Variants in TBC1D16 observed in about 807,000 individuals in gnomAD.
The protein encoded by TBC1D16 is CTD-2529O21.1.
TBC1D16 carries 58 observed loss-of-function variants against 74.7 expected under a neutral mutation model. The observed-to-expected ratio is 0.78, with a 90% CI of 0.63 to 0.97. The LOEUF is 0.97. Ranked by LOEUF, TBC1D16 falls within the 50% of genes least tolerant of loss-of-function variation. The pLI is 0.00. For missense variants in TBC1D16, 1,014 were observed against 1,079.5 expected, an observed-to-expected ratio of 0.94 and a Z score of 0.85; for synonymous variants, 493 against 474.7, an observed-to-expected ratio of 1.04 and a Z score of -0.50.
rs1028664770 is a variant in TBC1D16 at position 79,973,298 on chromosome 17, C to T, written c.780-20480G>A. On this transcript the variant is annotated intron_variant, in intron 3 of 11. Coordinates refer to ENST00000310924, the MANE Select transcript of TBC1D16 (RefSeq NM_019020.4). ...TAATAATAAAATAGAAGTGGCTGGG[C>T]GCGGTGGCTCATGCCTGTAATCCCA... Among the ~76,000 whole-genome samples the T allele has an allele frequency of 3.0e-4, 45 of 151,994 alleles. 1 individual carries two copies. Among genetic ancestry groups the T allele is most frequent in the African/African-American group, 1.0e-3 (42 of 41,436 alleles).
intron 8 of TBC1D16, 71 bp downstream of exon 8, chr17:79,948,801 C>T: frequency 6.3e-7 from 1 of 1,598,278 alleles, no homozygotes; most frequent in South Asian, 1.1e-5. Flanking sequence ...GGGGCTCATC[C>T]ACTTCCCAGA....
chr17:80,009,214 G>A lies in TBC1D16; in HGVS notation c.779+946C>T, dbSNP rs1005927443. ...GAGCTCAACAGTTAATGACCTGCTC[G>A]CTGACTGATGTCGGCTCTTACTGTT... is the stretch of plus-strand genomic sequence containing the variant. On this transcript the variant is annotated intron_variant, in intron 3 of 11. Transcript: ENST00000310924. This position sits in a 1 kb window ranked among gnomAD's most constrained non-coding sequence, Gnocchi z 5.4. Among the ~76,000 whole-genome samples the A allele has an allele frequency of 6.6e-6, 1 of 152,226 alleles. No homozygotes were observed. Among genetic ancestry groups the A allele is most frequent in the East Asian group, 1.9e-4 (1 of 5,196 alleles).
intron 3 of TBC1D16, among the ~76,000 whole-genome samples, chr17:79,953,749 ATTTTTTCTTTTTTTC>A (rs1463652265): frequency 2.6e-5 from 4 of 151,434 alleles, no homozygotes; most frequent in African/African-American, 9.7e-5. Flanking sequence ...GTCTCTTGAG[ATTTTTTCTTTTTTTC>A]TTTTTTCTTT....
At chr17:79,974,714 TC>T (rs1263264501) in intron 3 of TBC1D16, among the ~76,000 whole-genome samples, 4 of 152,210 alleles carry the variant, frequency 2.6e-5, no homozygotes, top group Admixed American at 1.3e-4. Context: ...TCCCTGGCTC[TC>T]CCAGGCTCTT....
rs1438587066 is a variant in TBC1D16, at chr17:79,969,991, C to T, written c.780-17173G>A. 3.3e-5 allele frequency among the ~76,000 whole-genome samples: 5 copies of T among 152,120 alleles called. No homozygotes were observed. In the East Asian group the frequency reaches 9.6e-4, roughly 29 times the overall value. On this transcript the variant is annotated intron_variant, in intron 3 of 11. Coordinates refer to ENST00000310924, the MANE Select transcript of TBC1D16 (RefSeq NM_019020.4). ...AGATGTCTATATAAAAACATGTACA[C>T]ACATGTTCATAGTAGCATTATTCAT...
rs769065064 is a variant in TBC1D16, at chr17:79,945,094, G to C, written c.1729-7C>G. The C allele has an allele frequency of 1.3e-6, 2 of 1,574,052 alleles. No individual in the cohort carries two copies. Among genetic ancestry groups the C allele is most frequent in the East Asian group, 4.6e-5 (2 of 43,380 alleles). ...GCAGCTCGCGCAGGTACAGCTGGGG[G>C]TGAGGCCGTCACGCGTTAGTTAGCT... On this transcript the variant is annotated splice_region_variant and splice_polypyrimidine_tract_variant and intron_variant, in intron 9 of 11. Coordinates refer to ENST00000310924, the MANE Select transcript of TBC1D16 (RefSeq NM_019020.4).
At chr17:79,958,382 G>A (rs955478270) in intron 3 of TBC1D16, among the ~76,000 whole-genome samples, 3 of 152,046 alleles carry the variant, frequency 2.0e-5, no homozygotes, top group Non-Finnish European at 4.4e-5. Flanking sequence ...ACCATGCCTG[G>A]CTAATTTTTG....
At chr17:79,989,982 A>G (rs948003924) in intron 3 of TBC1D16, among the ~76,000 whole-genome samples, 10 of 152,180 alleles carry the variant, frequency 6.6e-5, no homozygotes, top group Admixed American at 1.3e-4. Context: ...ATCCATGCCC[A>G]GAAACCTGCG....
chr17:80,027,643 A>G (rs1319423689), intron 1 of TBC1D16, among the ~76,000 whole-genome samples: 1 of 151,794 alleles, frequency 6.6e-6, no homozygotes, highest in Non-Finnish European at 1.5e-5. Context: ...CTGTAATCCC[A>G]GCACTTTGGG....
chr17:79,979,079 A>G lies in TBC1D16; in HGVS notation c.780-26261T>C, dbSNP rs2034462812. Among the ~76,000 whole-genome samples, 1 of 152,202 alleles carries G rather than the reference A, an allele frequency of 6.6e-6. No homozygotes were observed. Among genetic ancestry groups the G allele is most frequent in the African/African-American group, 2.4e-5 (1 of 41,450 alleles). ...AGCTTAACGTGGGCAAACCAATGAG[A>G]TGATTCTAAACCAAAGCGCCCTCGT... On this transcript the variant is annotated intron_variant, in intron 3 of 11. Transcript: ENST00000310924. This position sits in a 1 kb window ranked among gnomAD's most constrained non-coding sequence, Gnocchi z 4.8.
Position 79,935,627 on chromosome 17 carries a change from A to T in TBC1D16, c.*5232T>A, listed in dbSNP as rs1263943032. On this transcript the variant is annotated 3_prime_UTR_variant, in exon 12 of 12. Coordinates refer to ENST00000310924, the MANE Select transcript of TBC1D16 (RefSeq NM_019020.4). Reference sequence around the variant, plus strand: ...CTTCCAGAGGCACTGTACAGCGTGCATCTGTTGTCAGTACAGTTTTATTTG... The same window carrying T: ...CTTCCAGAGGCACTGTACAGCGTGCTTCTGTTGTCAGTACAGTTTTATTTG... The T allele has an allele frequency of 1.3e-5, 2 of 152,300 alleles. No individual in the cohort carries two copies. Among genetic ancestry groups the T allele is most frequent in the African/African-American group, 4.8e-5 (2 of 41,466 alleles). The allele number at this position is 152,300 out of a possible 1,614,324, so 9.4% of individuals were successfully genotyped here.
chr17:79,943,307 A>G (rs2032194080), intron 10 of TBC1D16, among the ~76,000 whole-genome samples: 1 of 152,186 alleles, frequency 6.6e-6, no homozygotes, highest in South Asian at 2.1e-4. Flanking sequence ...GGTTGCAGGA[A>G]GGTGGACGCC....
intron 1 of TBC1D16, among the ~76,000 whole-genome samples, chr17:80,022,237 GT>G (rs1432719105): frequency 6.7e-6 from 1 of 150,000 alleles, no homozygotes; most frequent in East Asian, 1.9e-4. Flanking sequence ...TGTTTATGTT[GT>G]TTTTATTGCT....
chr17:80,034,359 C>T (rs542574169), intron 1 of TBC1D16, among the ~76,000 whole-genome samples: 1 of 150,780 alleles, frequency 6.6e-6, no homozygotes, highest in South Asian at 2.1e-4. Context: ...GCCACCACAC[C>T]GGGCTAATTT....
rs2035174061 is a variant in TBC1D16, at chr17:79,993,998, C to T, written c.779+16162G>A. The stretch of plus-strand genomic sequence containing the variant: ...TTCATTTCCCTGACCTTGGACAGCC[C>T]TCCTGATGCAGGGAGCGCCCATCCC... On this transcript the variant is annotated intron_variant, in intron 3 of 11. Coordinates refer to ENST00000310924, the MANE Select transcript of TBC1D16 (RefSeq NM_019020.4). This position sits in a 1 kb window ranked among gnomAD's most constrained non-coding sequence, Gnocchi z 5.1. Among the ~76,000 whole-genome samples, 1 of 152,170 alleles carries T rather than the reference C, an allele frequency of 6.6e-6. No individual in the cohort carries two copies. Among genetic ancestry groups the T allele is most frequent in the Non-Finnish European group, 1.5e-5 (1 of 68,026 alleles).
chr17:79,967,745 A>G (rs575329939), intron 3 of TBC1D16, among the ~76,000 whole-genome samples: 61 of 152,290 alleles, frequency 4.0e-4, no homozygotes, highest in African/African-American at 1.4e-3. Flanking sequence ...TGACAGGTTG[A>G]CCCTAAAATT....
intron 1 of TBC1D16, among the ~76,000 whole-genome samples, chr17:80,020,546 C>T (rs9901978): frequency 0.032 from 4,806 of 149,414 alleles, 613 homozygotes; most frequent in African/African-American, 0.091. Flanking sequence ...GATGGCGCCA[C>T]TGCACTCCAG....
At chr17:80,029,781 A>G (rs1354990495) in intron 1 of TBC1D16, among the ~76,000 whole-genome samples, 2 of 152,134 alleles carry the variant, frequency 1.3e-5, no homozygotes, top group Non-Finnish European at 2.9e-5. Context: ...TACCAGCTAC[A>G]ACACAAATGC....
In TBC1D16 at chr17:79,938,064, A is replaced by G. The variant is rs2031733802; in HGVS notation, c.*2795T>C. 1 of 152,260 alleles carries G rather than the reference A, an allele frequency of 6.6e-6. No individual in the cohort carries two copies. Among genetic ancestry groups the G allele is most frequent in the African/African-American group, 2.4e-5 (1 of 41,472 alleles). 9.4% of individuals were successfully genotyped at this position (152,260 alleles called of 1,614,324 possible). A position where few individuals can be genotyped will look rare whatever the true frequency, so the allele number is the denominator to read the frequency against. On this transcript the variant is annotated 3_prime_UTR_variant, in exon 12 of 12. Coordinates refer to ENST00000310924, the MANE Select transcript of TBC1D16 (RefSeq NM_019020.4). ...TGCACGTTCTGGCGGTGGGAAGGCTAGAAGTCTAATGACTGAATTATCGCC... is the reference window on the plus strand; with the variant it reads ...TGCACGTTCTGGCGGTGGGAAGGCTGGAAGTCTAATGACTGAATTATCGCC...
Sources: gnomAD v4.1 joint callset for allele counts (sites outside exome capture counted in the v4.1 genomes callset) on GRCh38, gnomAD v4.1.1 for gene constraint, Gnocchi (gnomAD v3.1) non-coding constraint, MANE v1.5 for transcripts, NCBI Gene and HGNC (gene_info 2026-07-23, HGNC 2026-07-21) for gene names.